Variants in ALOXE3 observed in about 807,000 individuals in gnomAD.
ALOXE3 encodes the protein hydroperoxide isomerase ALOXE3.
Under a neutral mutation model 87.5 loss-of-function variants are expected in ALOXE3, and 78 were observed. The ratio of observed to expected loss-of-function variants is 0.89; its 90% CI spans 0.74 to 1.08. ALOXE3 has a LOEUF of 1.08. Among genes scored for constraint, ALOXE3 ranks in the 50% least tolerant of loss-of-function variants. The pLI, the probability that ALOXE3 is intolerant of heterozygous loss-of-function variation, is 0.00. For synonymous variants in ALOXE3, 363 were observed against 370.8 expected, an observed-to-expected ratio of 0.98 and a Z score of 0.24; for missense variants, 946 against 912.4, an observed-to-expected ratio of 1.04 and a Z score of -0.47.
rs1319753726 is a variant in ALOXE3 at position 8,118,228 on chromosome 17, A to G, written c.-238T>C. 6.4e-7 allele frequency: 1 copy of G among 1,551,338 alleles called. No individual in the cohort carries two copies. Among genetic ancestry groups the G allele is most frequent in the South Asian group, 1.2e-5 (1 of 84,042 alleles). On this transcript the variant is annotated 5_prime_UTR_variant, in exon 2 of 16. Coordinates refer to ENST00000448843, the MANE Select transcript of ALOXE3 (RefSeq NM_021628.3). ...TCCGCCCACAGTCTTGCACTCTAAT[A>G]CTTGTTTGCTTGCCTCTGACACAGC...
intron 13 of ALOXE3, among the ~76,000 whole-genome samples, chr17:8,107,837 G>T (rs1382183629): frequency 0.01 from 29 of 2,784 alleles, no homozygotes; most frequent in Non-Finnish European, 0.013. Context: ...AAGAAAGAAA[G>T]AAAGAAAGAA....
In ALOXE3 at chr17:8,117,754, G is replaced by T. The variant is rs1410041056; in HGVS notation, c.147+90C>A. ...GGTCAGGGCCGGTATCCTGAGTTCA[G>T]CAGGATCTCAAGAGTCCAGGAGGAA... On this transcript the variant is annotated intron_variant, in intron 2 of 15. Coordinates refer to ENST00000448843, the MANE Select transcript of ALOXE3 (RefSeq NM_021628.3). 2.6e-6 allele frequency: 4 copies of T among 1,545,090 alleles called. No homozygotes were observed. The African/African-American group carries it at 5.4e-5, about 21-fold the overall frequency.
intron 6 of ALOXE3, among the ~76,000 whole-genome samples, chr17:8,113,796 G>A (rs1980314321): frequency 6.6e-6 from 1 of 151,966 alleles, no homozygotes; most frequent in South Asian, 2.1e-4. Context: ...GGAGGCAAAG[G>A]CAGATGGATC....
Position 8,114,599 on chromosome 17 carries a change from G to A in ALOXE3, c.565C>T (p.Arg189Trp), listed in dbSNP as rs149284623. The change falls in exon 6 of 16, where the codon CGG (arginine) becomes TGG (tryptophan). Residue 189 changes from arginine (R) to tryptophan (W), a missense_variant. Arg to Trp is a moderately radical substitution (Grantham distance 101). Transcript: ENST00000448843. ...CVDQGDSSGN[R>W]YLPGFPMKID... ...TTCATGGGGAAGCCGGGCAGGTACC[G>A]ATTCCCACTGCTGGGGGTCGGGGGA... 53 of 1,613,898 alleles carry A rather than the reference G, an allele frequency of 3.3e-5. No homozygotes were observed. Among genetic ancestry groups the A allele is most frequent in the East Asian group, 1.6e-4 (7 of 44,868 alleles).
At chr17:8,112,047 A>G (rs761839318) in intron 7 of ALOXE3, 46 bp downstream of exon 7, 62 of 1,532,118 alleles carry the variant, frequency 4.0e-5, no homozygotes, top group Non-Finnish European at 5.4e-5. Context: ...GGGTCTGAGC[A>G]TGAGATAAGG....
chr17:8,118,721 A>C (rs1980834473), upstream of ALOXE3: 1 of 1,537,150 alleles, frequency 6.5e-7, no homozygotes, highest in Admixed American at 2.0e-5. Context: ...GGAGTAGGGC[A>C]GGTCAGGAAA....
chr17:8,115,705 T>C lies in ALOXE3; in HGVS notation c.353-17A>G. 1 of 1,604,522 alleles carries C rather than the reference T, an allele frequency of 6.2e-7. No individual in the cohort carries two copies. Among genetic ancestry groups the C allele is most frequent in the Non-Finnish European group, 8.5e-7 (1 of 1,171,352 alleles). On this transcript the variant is annotated splice_polypyrimidine_tract_variant and intron_variant, in intron 3 of 15. Coordinates refer to ENST00000448843, the MANE Select transcript of ALOXE3 (RefSeq NM_021628.3). ...TAGTTCTTGCTGTGGGGAATGAAAA[T>C]TACTCTTGGTATAAGTCTCTTTTCC...
rs374690606 is a variant in ALOXE3, at chr17:8,096,587, C to T, written c.*40G>A. 7.3e-6 allele frequency: 7 copies of T among 964,508 alleles called. No homozygotes were observed. The highest frequency in any genetic ancestry group is 2.1e-4 in the Middle Eastern group (1 of 4,678). The allele number at this position is 964,508 out of a possible 1,614,324, so 59.7% of individuals were successfully genotyped here. A position where few individuals can be genotyped will look rare whatever the true frequency, so the allele number is the denominator to read the frequency against. ...ACCTGAGGAACTGGTCCTCCTCATGCTTGGACCTTTCTTTCTTCTTGGGTG... is the reference window on the plus strand; with the variant it reads ...ACCTGAGGAACTGGTCCTCCTCATGTTTGGACCTTTCTTTCTTCTTGGGTG... On this transcript the variant is annotated 3_prime_UTR_variant, in exon 16 of 16. Coordinates refer to ENST00000448843, the MANE Select transcript of ALOXE3 (RefSeq NM_021628.3).
chr17:8,110,379 G>C lies in ALOXE3; in HGVS notation c.1101+6C>G. 6.2e-7 allele frequency: 1 copy of C among 1,605,378 alleles called. No homozygotes were observed. The highest frequency in any genetic ancestry group is 1.3e-5 in the African/African-American group (1 of 74,806). ...CCCCATCCCGGGGCGGCGGCGCCGG[G>C]CTCACCTGGATGGCCAAGGGCACCA... On this transcript the variant is annotated splice_donor_region_variant and intron_variant, in intron 9 of 15. Transcript: ENST00000448843.
rs1372762664 is a variant in ALOXE3, at chr17:8,114,994, C to T, written c.498G>A (p.Glu166=). The part of the protein sequence containing the change: ...MVDVNSFQEM[E]SDKKFALTKT... Reference sequence around the variant, plus strand: ...TTGTCAAGGCAAATTTCTTGTCTGACTCCATCTCCTGAAAGCTGTTGACGT... The same window carrying T: ...TTGTCAAGGCAAATTTCTTGTCTGATTCCATCTCCTGAAAGCTGTTGACGT... Residue 166 remains glutamate, a synonymous_variant, in exon 5 of 16, where the codon GAG becomes GAA. Coordinates refer to ENST00000448843, the MANE Select transcript of ALOXE3 (RefSeq NM_021628.3). 2 of 1,614,168 alleles carry T rather than the reference C, an allele frequency of 1.2e-6. No homozygotes were observed. The highest frequency in any genetic ancestry group is 2.7e-5 in the African/African-American group (2 of 75,032).
chr17:8,110,048 C>A (rs1250818987), intron 10 of ALOXE3, 44 bp downstream of exon 10: 1 of 1,578,956 alleles, frequency 6.3e-7, no homozygotes, highest in East Asian at 2.3e-5. Context: ...GGGACAAGGC[C>A]GCCCGGCCCC....
chr17:8,096,655 G>T lies in ALOXE3; in HGVS notation c.2108C>A (p.Pro703His), dbSNP rs375989444. Residue 703 changes from proline (P) to histidine (H), a missense_variant, in exon 16 of 16, where the codon CCC (proline) becomes CAC (histidine). Physicochemically the swap from Pro to His is moderately conservative, Grantham distance 77. Transcript: ENST00000448843. ...LALPYTYLDP[P>H]LIENSVSI ...GATGGAGACGCTGTTCTCAATGAGG[G>T]GAGGGTCCAGGTAGGTGTAGGGCAG... The T allele has an allele frequency of 2.0e-6, 3 of 1,470,362 alleles. No homozygotes were observed. In the African/African-American group the frequency reaches 4.2e-5, roughly 20 times the overall value. 91.1% of individuals were successfully genotyped at this position (1,470,362 alleles called of 1,614,324 possible).
Position 8,096,622 on chromosome 17 carries a change from G to C in ALOXE3, c.*5C>G, listed in dbSNP as rs761173772. On this transcript the variant is annotated 3_prime_UTR_variant, in exon 16 of 16. Coordinates refer to ENST00000448843, the MANE Select transcript of ALOXE3 (RefSeq NM_021628.3). Reference sequence around the variant, plus strand: ...TCTTTCTTCTTGGGTGGTATTTGGGGGTGGTTAGATGGAGACGCTGTTCTC... The same window carrying C: ...TCTTTCTTCTTGGGTGGTATTTGGGCGTGGTTAGATGGAGACGCTGTTCTC... 2 of 1,230,564 alleles carry C rather than the reference G, an allele frequency of 1.6e-6. No individual in the cohort carries two copies. Among genetic ancestry groups the C allele is most frequent in the Admixed American group, 1.7e-5 (1 of 59,506 alleles). 76.2% of individuals were successfully genotyped at this position (1,230,564 alleles called of 1,614,324 possible).
chr17:8,113,105 A>C (rs1392206589), intron 6 of ALOXE3, among the ~76,000 whole-genome samples: 2 of 152,150 alleles, frequency 1.3e-5, no homozygotes, highest in Non-Finnish European at 2.9e-5. Context: ...ATAAAAATCT[A>C]TCTCTTCTAG....
chr17:8,100,197 C>T (rs1367114605), intron 15 of ALOXE3, among the ~76,000 whole-genome samples: 1 of 152,134 alleles, frequency 6.6e-6, no homozygotes, highest in African/African-American at 2.4e-5. Flanking sequence ...TCTGCCACTT[C>T]TGGGCCTAGA....
At chr17:8,101,763 C>G (rs146820310) in intron 15 of ALOXE3, among the ~76,000 whole-genome samples, 33 of 152,128 alleles carry the variant, frequency 2.2e-4, no homozygotes, top group East Asian at 9.7e-4. Context: ...TTAGCTCCCC[C>G]CAAGCAGCTG....
At position 8,110,444 on chromosome 17, in the gene ALOXE3, C is replaced by CCGTTTA. The variant is rs774145033; in HGVS notation, c.1041_1042insTAAACG (p.Ala347_Ala348insTer). On this transcript the variant is annotated stop_gained and inframe_insertion, in exon 9 of 16. Transcript: ENST00000448843. LOFTEE classifies it high-confidence loss of function. ...CTGAGCCACAGCAGGCACAGTGGGG[C>CCGTTTA]GGCCACGTACTGCTGGCGGCCGTTT... is the stretch of plus-strand genomic sequence containing the variant. The CCGTTTA allele has an allele frequency of 6.2e-7, 1 of 1,612,878 alleles. No individual in the cohort carries two copies. Among genetic ancestry groups the CCGTTTA allele is most frequent in the Admixed American group, 1.7e-5 (1 of 59,938 alleles).
rs940301403 is a variant in ALOXE3, at chr17:8,112,347, G to T, written c.681-151C>A. 6.1e-6 allele frequency: 4 copies of T among 654,900 alleles called. No homozygotes were observed. In the East Asian group the frequency reaches 7.9e-5, roughly 13 times the overall value. 40.6% of individuals were successfully genotyped at this position (654,900 alleles called of 1,614,324 possible). The stretch of plus-strand genomic sequence containing the variant: ...CATGGGAGAAAAAGTCTAGTACCCG[G>T]TGGAGGCTCTGTGGCCTCGGAAGAC... On this transcript the variant is annotated intron_variant, in intron 6 of 15. Coordinates refer to ENST00000448843, the MANE Select transcript of ALOXE3 (RefSeq NM_021628.3).
chr17:8,115,783 C>T (rs1037511219), intron 3 of ALOXE3, 95 bp from the exon 4 acceptor site: 34 of 1,216,580 alleles, frequency 2.8e-5, no homozygotes, highest in East Asian at 7.1e-5. Context: ...GAACCCAATC[C>T]GACAGCCACA....
Sources: gnomAD v4.1 joint callset for allele counts (sites outside exome capture counted in the v4.1 genomes callset) on GRCh38, gnomAD v4.1.1 for gene constraint, MANE v1.5 for transcripts, NCBI Gene and HGNC (gene_info 2026-07-23, HGNC 2026-07-21) for gene names.